Variants in SLC15A5 observed in about 807,000 individuals in gnomAD.
SLC15A5 encodes solute carrier family 15 member 5.
A neutral mutation model predicts 56.1 loss-of-function variants in SLC15A5; 58 were observed. That is an observed-to-expected ratio of 1.03 (90% CI 0.84 to 1.29). The LOEUF is 1.29. SLC15A5 is among the 50% of genes most tolerant of loss of function. The pLI is 0.00. For synonymous variants in SLC15A5, 264 were observed against 250.5 expected (o/e 1.05, Z -0.51); for missense variants, 681 against 672.1 (o/e 1.01, Z -0.15).
intron 7 of SLC15A5, among the ~76,000 whole-genome samples, chr12:16,198,543 T>C (rs565835311): frequency 6.6e-6 from 1 of 152,288 alleles, no homozygotes; most frequent in South Asian, 2.1e-4. Context: ...TGCACTGCTG[T>C]AGTCCACCTC....
chr12:16,191,284 A>G (rs1863836040), intron 8 of SLC15A5, among the ~76,000 whole-genome samples: 1 of 151,306 alleles, frequency 6.6e-6, no homozygotes, highest in South Asian at 2.1e-4. Context: ...GGACTTAACA[A>G]TAAGATTGTA....
At chr12:16,195,947 G>C (rs1318646130) in intron 7 of SLC15A5, among the ~76,000 whole-genome samples, 1 of 151,978 alleles carries the variant, frequency 6.6e-6, no homozygotes, top group Non-Finnish European at 1.5e-5. Flanking sequence ...CTGAAAGCTA[G>C]CCTAAATAAA....
chr12:16,195,240 C>T (rs966529411), intron 7 of SLC15A5, among the ~76,000 whole-genome samples: 6 of 152,100 alleles, frequency 3.9e-5, no homozygotes, highest in Admixed American at 3.3e-4. Context: ...CCTGCCTCTG[C>T]CTCTGTCTCT....
intron 5 of SLC15A5, among the ~76,000 whole-genome samples, chr12:16,230,040 A>G (rs1177815577): frequency 6.6e-6 from 1 of 152,174 alleles, no homozygotes; most frequent in African/African-American, 2.4e-5. Context: ...TTAAAGATAC[A>G]TGAGGAAAAA....
intron 2 of SLC15A5, among the ~76,000 whole-genome samples, chr12:16,263,060 T>C (rs902131288): frequency 1.3e-5 from 2 of 152,150 alleles, no homozygotes; most frequent in African/African-American, 4.8e-5. Flanking sequence ...TACCTGCAAA[T>C]GCACAAGTGA....
At chr12:16,249,413 A>G (rs1364622421) in intron 3 of SLC15A5, among the ~76,000 whole-genome samples, 2 of 152,130 alleles carry the variant, frequency 1.3e-5, no homozygotes, top group African/African-American at 4.8e-5. Flanking sequence ...TTACTTCATC[A>G]TAGTTGGGTG....
chr12:16,227,891 A>G (rs942547937), intron 5 of SLC15A5, among the ~76,000 whole-genome samples: 1 of 152,172 alleles, frequency 6.6e-6, no homozygotes, highest in African/African-American at 2.4e-5. Context: ...GTAACGTATA[A>G]TGGGGGCTTA....
chr12:16,238,939 A>G (rs1864381862), intron 5 of SLC15A5, among the ~76,000 whole-genome samples: 1 of 152,160 alleles, frequency 6.6e-6, no homozygotes. Flanking sequence ...TAGAGAACAA[A>G]ATGATCCAAA....
Position 16,193,835 on chromosome 12 carries a change from GAGAGAGAGA to G in SLC15A5, c.1592+501_1592+509del, listed in dbSNP as rs1565654552. On this transcript the variant is annotated intron_variant, in intron 8 of 8. Coordinates refer to ENST00000344941, the MANE Select transcript of SLC15A5 (RefSeq NM_001170798.1). ...AGAGAGAGAGAGAGAGAGAGAGAGAGAGAGAGAGAGGCTGGCAATGGATGGGTGGATGGA... is the reference window on the plus strand; with the variant it reads ...AGAGAGAGAGAGAGAGAGAGAGAGAGGGCTGGCAATGGATGGGTGGATGGA... 9.1e-4 allele frequency among the ~76,000 whole-genome samples: 126 copies of G among 138,506 alleles called. 4 individuals carry two copies. The highest frequency in any genetic ancestry group is 3.5e-3 in the African/African-American group (117 of 33,556). 90.9% of individuals were successfully genotyped at this position (138,506 alleles called of 152,430 possible).
rs1264798300 is a variant in SLC15A5 at position 16,189,680 on chromosome 12, C to G, written c.1728G>C (p.Glu576Asp). The part of the protein sequence containing the change: ...QEFSSSIDLW[E>D]TAL The stretch of plus-strand genomic sequence containing the variant: ...CTCAAACACAGTTTCATAGGGCTGT[C>G]TCCCAAAGATCAATACTTGAAGAAA... Residue 576 changes from glutamate (E) to aspartate (D), a missense_variant, in exon 9 of 9, where the codon GAG becomes GAC. By Grantham distance (45) the Glu-to-Asp change is conservative. Coordinates refer to ENST00000344941, the MANE Select transcript of SLC15A5 (RefSeq NM_001170798.1). The G allele has an allele frequency of 6.6e-7, 1 of 1,512,662 alleles. No homozygotes were observed. Among genetic ancestry groups the G allele is most frequent in the Non-Finnish European group, 8.8e-7 (1 of 1,136,042 alleles). 93.7% of individuals were successfully genotyped at this position (1,512,662 alleles called of 1,614,324 possible).
At chr12:16,246,033 C>T (rs1029935548) in intron 3 of SLC15A5, among the ~76,000 whole-genome samples, 9 of 152,118 alleles carry the variant, frequency 5.9e-5, no homozygotes, top group Non-Finnish European at 1.3e-4. Context: ...GAATATGGAG[C>T]CTTTCACCTC....
At chr12:16,217,238 C>G (rs974593171) in intron 6 of SLC15A5, among the ~76,000 whole-genome samples, 21 of 151,978 alleles carry the variant, frequency 1.4e-4, no homozygotes, top group African/African-American at 5.1e-4. Flanking sequence ...ATACCTTGAC[C>G]CAGCTACAAT....
chr12:16,243,314 G>T lies in SLC15A5; in HGVS notation c.975+1266C>A, dbSNP rs1460079654. ...CAACCTCCGCCTCCTGGGTTCAAGC[G>T]ATTCTCCAGCCTCAGCCTCCCAAGC... On this transcript the variant is annotated intron_variant, in intron 4 of 8. Coordinates refer to ENST00000344941, the MANE Select transcript of SLC15A5 (RefSeq NM_001170798.1). This position sits in a 1 kb window ranked among gnomAD's most constrained non-coding sequence, Gnocchi z 4.4. 6.6e-6 allele frequency among the ~76,000 whole-genome samples: 1 copy of T among 151,100 alleles called. No homozygotes were observed. Among genetic ancestry groups the T allele is most frequent in the African/African-American group, 2.4e-5 (1 of 41,076 alleles).
intron 2 of SLC15A5, among the ~76,000 whole-genome samples, chr12:16,267,192 T>TGCTTATTGTTATTAGGGTGAGAG (rs1334378889): frequency 6.7e-5 from 8 of 120,256 alleles, no homozygotes; most frequent in Admixed American, 8.2e-5. Flanking sequence ...ATAGCATTAG[T>TGCTTATTGTTATTAGGGTGAGAG]GTACCATTTA....
chr12:16,218,458 TG>T lies in SLC15A5; in HGVS notation c.1352-1435del, dbSNP rs574325718. Among the ~76,000 whole-genome samples the T allele has an allele frequency of 9.5e-4, 144 of 152,238 alleles. 1 individual carries two copies. The highest frequency in any genetic ancestry group is 1.6e-3 in the Non-Finnish European group (109 of 68,002). On this transcript the variant is annotated intron_variant, in intron 6 of 8. Coordinates refer to ENST00000344941, the MANE Select transcript of SLC15A5 (RefSeq NM_001170798.1). ...ATGTCCAGAGAAATGTGTCATTAGG[TG>T]ATTTTGCCATTGTGCAAACATGATC...
At chr12:16,206,108 GTC>G (rs1864016056) in intron 7 of SLC15A5, among the ~76,000 whole-genome samples, 1 of 152,142 alleles carries the variant, frequency 6.6e-6, no homozygotes, top group Admixed American at 6.5e-5. Context: ...AGATGTAACA[GTC>G]TGTCTCCAGG....
At chr12:16,257,559 A>C in intron 3 of SLC15A5, 142 bp downstream of exon 3, 1 of 565,382 alleles carries the variant, frequency 1.8e-6, no homozygotes, top group Non-Finnish European at 2.7e-6. Flanking sequence ...ATTCTTGCAG[A>C]CCATTGCTTT....
intron 7 of SLC15A5, among the ~76,000 whole-genome samples, chr12:16,206,333 G>A (rs1221310653): frequency 6.6e-6 from 1 of 152,128 alleles, no homozygotes; most frequent in African/African-American, 2.4e-5. Flanking sequence ...ATATAGCAAG[G>A]TCTGCATATA....
intron 8 of SLC15A5, among the ~76,000 whole-genome samples, chr12:16,193,909 C>A (rs942572017): frequency 8.8e-6 from 1 of 113,836 alleles, no homozygotes; most frequent in African/African-American, 3.1e-5. Flanking sequence ...AGGTGACAAG[C>A]TAAGGGATTT....
Sources: gnomAD v4.1 joint callset for allele counts (sites outside exome capture counted in the v4.1 genomes callset) on GRCh38, gnomAD v4.1.1 for gene constraint, Gnocchi (gnomAD v3.1) non-coding constraint, MANE v1.5 for transcripts, NCBI Gene and HGNC (gene_info 2026-07-23, HGNC 2026-07-21) for gene names.